The following PRKDC variants were observed in gnomAD, a reference collection of about 807,000 sequenced individuals.
PRKDC encodes the protein protein kinase, DNA-activated, catalytic subunit.
A neutral mutation model predicts 486.9 loss-of-function variants in PRKDC; 82 were observed. The observed-to-expected ratio is 0.17, with a 90% CI of 0.14 to 0.20. The LOEUF (loss-of-function observed/expected upper bound fraction) is 0.20, where lower values mean the gene tolerates loss of function less well. Ranked by LOEUF, PRKDC falls within the 10% of genes least tolerant of loss-of-function variation. The pLI is 1.00. For synonymous variants in PRKDC, 1,895 were observed against 1,837.0 expected (o/e 1.03, Z -0.81); for missense variants, 4,504 against 5,038.2 (o/e 0.89, Z 3.21).
intron 14 of PRKDC, 120 bp from the exon 15 acceptor site, chr8:47,934,210 G>A: frequency 8.8e-7 from 1 of 1,141,784 alleles, no homozygotes. Flanking sequence ...GAGACCATAT[G>A]ATTAAGGAAG....
At chr8:47,884,204 TCTC>T (rs1157094622) in intron 36 of PRKDC, among the ~76,000 whole-genome samples, 1 of 152,198 alleles carries the variant, frequency 6.6e-6, no homozygotes, top group African/African-American at 2.4e-5. Context: ...CCTCCTGCCT[TCTC>T]CTCAAGTGGG....
chr8:47,939,647 C>A lies in PRKDC; in HGVS notation c.1017G>T (p.Gln339His), dbSNP rs752727983. 2 of 1,611,262 alleles carry A rather than the reference C, an allele frequency of 1.2e-6. No individual in the cohort carries two copies. Among genetic ancestry groups the A allele is most frequent in the East Asian group, 4.5e-5 (2 of 44,824 alleles). The change falls in exon 11 of 86, where the codon CAG (glutamine) becomes CAT (histidine). Residue 339 changes from glutamine to histidine, a missense_variant. Physicochemically the swap from Gln to His is conservative, Grantham distance 24 (BLOSUM62 0). Coordinates refer to ENST00000314191, the MANE Select transcript of PRKDC (RefSeq NM_006904.7). ...KNAEMHKNKLQYFMEQFYGII... is the reference protein window; with the variant it reads ...KNAEMHKNKLHYFMEQFYGII... Reference sequence around the variant, plus strand: ...TTCCATAAAACTGCTCCATAAAGTACTGCAGTTTATTTTTATGCATTTCTG... The same window carrying A: ...TTCCATAAAACTGCTCCATAAAGTAATGCAGTTTATTTTTATGCATTTCTG...
intron 17 of PRKDC, 64 bp downstream of exon 17, chr8:47,930,608 C>G: frequency 6.9e-7 from 1 of 1,448,062 alleles, no homozygotes; most frequent in Non-Finnish European, 9.4e-7. Context: ...AAGGAATTTC[C>G]TATATTACAG....
At chr8:47,887,183 C>T (rs150838774) in intron 35 of PRKDC, among the ~76,000 whole-genome samples, 97 of 152,254 alleles carry the variant, frequency 6.4e-4, no homozygotes, top group Middle Eastern at 6.8e-3. Flanking sequence ...ACTCTGGTTC[C>T]TCTGGGATTA....
At chr8:47,808,932 G>A (rs2087269180) in intron 68 of PRKDC, among the ~76,000 whole-genome samples, 1 of 151,926 alleles carries the variant, frequency 6.6e-6, no homozygotes, top group Non-Finnish European at 1.5e-5. Context: ...AGCTACTCAG[G>A]AAGATCGCCT....
chr8:47,872,691 T>C (rs971784362), intron 40 of PRKDC, among the ~76,000 whole-genome samples: 9 of 152,118 alleles, frequency 5.9e-5, no homozygotes, highest in African/African-American at 9.7e-5. Flanking sequence ...AAAGGGATTT[T>C]TGAAGTCATT....
chr8:47,820,594 T>C, intron 66 of PRKDC, 125 bp downstream of exon 66: 2 of 609,692 alleles, frequency 3.3e-6, no homozygotes, highest in Middle Eastern at 5.3e-4. Flanking sequence ...TTTTTGTTGA[T>C]TTTTTTCATG....
Position 47,943,361 on chromosome 8 carries a change from A to G in PRKDC, c.814T>C (p.Leu272=). The part of the protein sequence containing the change: ...LKRYAVPSAG[L]RLFALHASQF... ...GATGCATGCAGGGCAAATAGGCGCA[A>G]GCCAGCTGCAAATGCAAATGCCATT... is the stretch of plus-strand genomic sequence containing the variant. Residue 272 remains leucine, a synonymous_variant, in exon 10 of 86, where the codon TTG becomes CTG. Coordinates refer to ENST00000314191, the MANE Select transcript of PRKDC (RefSeq NM_006904.7). 1 of 1,597,758 alleles carries G rather than the reference A, an allele frequency of 6.3e-7. No individual in the cohort carries two copies. Among genetic ancestry groups the G allele is most frequent in the East Asian group, 2.2e-5 (1 of 44,726 alleles).
intron 64 of PRKDC, among the ~76,000 whole-genome samples, chr8:47,823,401 T>A (rs1236549525): frequency 6.6e-6 from 1 of 151,768 alleles, no homozygotes; most frequent in African/African-American, 2.4e-5. Context: ...TGCCTACTCC[T>A]GCTTCGCCTT....
chr8:47,779,069 T>C lies in PRKDC; in HGVS notation c.11514A>G (p.Glu3838=), dbSNP rs1037069207. 1 of 1,599,328 alleles carries C rather than the reference T, an allele frequency of 6.3e-7. No individual in the cohort carries two copies. The highest frequency in any genetic ancestry group is 8.5e-7 in the Non-Finnish European group (1 of 1,172,188). The change falls in exon 81 of 86, where the codon GAA becomes GAG. Residue 3838 remains glutamate, a synonymous_variant. Coordinates refer to ENST00000314191, the MANE Select transcript of PRKDC (RefSeq NM_006904.7). ...ACATTTTTGTCAGCCAATCTTTATA[T>C]TCACACGGCGGTGCCCTGGGATCAC... ...YLSDPRAPPC[E]YKDWLTKMSG...
At chr8:47,889,734 T>C (rs925148388) in intron 32 of PRKDC, among the ~76,000 whole-genome samples, 1 of 152,258 alleles carries the variant, frequency 6.6e-6, no homozygotes, top group Non-Finnish European at 1.5e-5. Flanking sequence ...TAGAAAAAAC[T>C]ATTTTATATT....
In PRKDC at chr8:47,943,208, C is replaced by A; in HGVS notation, c.966+1G>T. The A allele has an allele frequency of 6.2e-7, 1 of 1,610,390 alleles. No individual in the cohort carries two copies. Among genetic ancestry groups the A allele is most frequent in the Non-Finnish European group, 8.5e-7 (1 of 1,178,832 alleles). ...TTAAATGACAGTTGAATTTGTGGTA[C>A]CTGTTTCAGAAAGGATTCCAGGGCT... On this transcript the variant is annotated splice_donor_variant, in intron 10 of 85. Coordinates refer to ENST00000314191, the MANE Select transcript of PRKDC (RefSeq NM_006904.7). LOFTEE classifies it high-confidence loss of function.
chr8:47,819,144 C>T (rs1371817082), intron 67 of PRKDC, among the ~76,000 whole-genome samples: 2 of 152,238 alleles, frequency 1.3e-5, no homozygotes, highest in East Asian at 3.8e-4. Context: ...CCTCTGGAGT[C>T]ACCCCGCTAC....
At chr8:47,821,528 G>A (rs1023166138) in intron 65 of PRKDC, 76 bp downstream of exon 65, 1 of 1,435,770 alleles carries the variant, frequency 7.0e-7, no homozygotes, top group African/African-American at 1.4e-5. Context: ...TTTTTGAAAT[G>A]TTTTAAACAA....
intron 61 of PRKDC, among the ~76,000 whole-genome samples, chr8:47,828,855 C>T (rs1201681565): frequency 6.6e-6 from 1 of 152,204 alleles, no homozygotes; most frequent in Non-Finnish European, 1.5e-5. Flanking sequence ...CAAGGTCCCA[C>T]CACCTGACCA....
intron 48 of PRKDC, 49 bp downstream of exon 48, chr8:47,858,467 C>G (rs7463428): frequency 7.3e-7 from 1 of 1,374,942 alleles, no homozygotes; most frequent in South Asian, 1.4e-5. Context: ...ATTGAATAAA[C>G]AGACTTACAG....
chr8:47,853,942 C>T (rs961723209), intron 51 of PRKDC, 141 bp downstream of exon 51: 8 of 1,094,780 alleles, frequency 7.3e-6, no homozygotes, highest in Non-Finnish European at 1.0e-5. Context: ...GTTAGAATTA[C>T]AGGCATGAGC....
At chr8:47,814,999 C>T (rs561002268) in intron 68 of PRKDC, among the ~76,000 whole-genome samples, 2 of 151,912 alleles carry the variant, frequency 1.3e-5, no homozygotes, top group Non-Finnish European at 2.9e-5. Flanking sequence ...CCTGTCTCCA[C>T]AAAAAAAGAC....
rs2086630058 is a variant in PRKDC, at chr8:47,777,746, G to A, written c.11982C>T (p.Asp3994=). ...MVHALRAFRS[D]PGLLTNTMDV... ...CCATGGTGTTGGTGAGCAGGCCAGG[G>A]TCTGAGCGGAAGGCCCGGAGTGCGT... Residue 3994 remains aspartate (D), a synonymous_variant, in exon 84 of 86, where the codon GAC becomes GAT. Transcript: ENST00000314191. 6.2e-7 allele frequency: 1 copy of A among 1,613,776 alleles called. No individual in the cohort carries two copies. Among genetic ancestry groups the A allele is most frequent in the African/African-American group, 1.3e-5 (1 of 75,040 alleles).
Sources: gnomAD v4.1 joint callset for allele counts (sites outside exome capture counted in the v4.1 genomes callset) on GRCh38, gnomAD v4.1.1 for gene constraint, MANE v1.5 for transcripts, NCBI Gene and HGNC (gene_info 2026-07-23, HGNC 2026-07-21) for gene names.